The following SLITRK4 variants were observed in gnomAD, a reference collection of about 807,000 sequenced individuals.
SLITRK4 encodes SLIT and NTRK-like protein 4.
SLITRK4 carries 7 observed loss-of-function variants against 34.7 expected under a neutral mutation model. The ratio of observed to expected loss-of-function variants is 0.20; its 90% CI spans 0.11 to 0.38. The LOEUF (loss-of-function observed/expected upper bound fraction) is 0.38. Among genes scored for constraint, SLITRK4 ranks in the 10% least tolerant of loss-of-function variants. SLITRK4 has a pLI of 1.00. For missense variants in SLITRK4, 474 were observed against 607.0 expected (o/e 0.78, Z 2.30); for synonymous variants, 237 against 246.2 (o/e 0.96, Z 0.35).
chrX:143,635,481 A>AACACACACACACACACACACAC (rs782006427), intron 1 of SLITRK4, among the ~76,000 whole-genome samples: 1 of 55,240 alleles, frequency 1.8e-5, no homozygotes, highest in African/African-American at 6.7e-5. Context: ...ATAACGAAGG[A>AACACACACACACACACACACAC]ACACACACAC....
At position 143,630,614 on chromosome X, in the gene SLITRK4, A is replaced by G; in HGVS notation, c.495T>C (p.Asn165=). The change falls in exon 2 of 2, where the codon AAT becomes AAC. Residue 165 remains asparagine, a synonymous_variant. Transcript: ENST00000356928. The part of the protein sequence containing the change: ...HKLKVLILND[N]LISFLPDNIF... ...TATTATCAGGAAGGAATGAAATCAG[A>G]TTGTCATTAAGAATGAGAACTTTCA... 1 of 1,211,232 alleles carries G rather than the reference A, an allele frequency of 8.3e-7. No homozygotes were observed. Among genetic ancestry groups the G allele is most frequent in the South Asian group, 1.8e-5 (1 of 56,957 alleles).
chrX:143,623,847 C>T lies in SLITRK4; in HGVS notation c.*4748G>A, dbSNP rs1448412593. 9.0e-6 allele frequency: 1 copy of T among 111,207 alleles called. No individual in the cohort carries two copies. Among genetic ancestry groups the T allele is most frequent in the Non-Finnish European group, 1.9e-5 (1 of 52,868 alleles). The allele number at this position is 111,207 out of a possible 1,213,427, so 9.2% of individuals were successfully genotyped here. A position where few individuals can be genotyped will look rare whatever the true frequency, so the allele number is the denominator to read the frequency against. ...AATGGGATGAGCACTAGAAATGATG[C>T]CAAACCTTGATTTGATGCCACTTGT... On this transcript the variant is annotated 3_prime_UTR_variant, in exon 2 of 2. Transcript: ENST00000356928.
Position 143,629,821 on chromosome X carries a change from G to A in SLITRK4, c.1288C>T (p.Leu430=). 1 of 1,209,822 alleles carries A rather than the reference G, an allele frequency of 8.3e-7. No homozygotes were observed. Among genetic ancestry groups the A allele is most frequent in the Non-Finnish European group, 1.1e-6 (1 of 894,064 alleles). ...TCAATTTGATTGCCATTGAGATATA[G>A]CCTGCGTAAATTAGTGAGATTGTGA... ...VFHNLTNLRR[L]YLNGNQIERL... is the part of the protein sequence containing the mutation. The change falls in exon 2 of 2, where the codon CTA becomes TTA. Residue 430 remains leucine (L), a synonymous_variant. Transcript: ENST00000356928.
At position 143,625,244 on chromosome X, in the gene SLITRK4, A is replaced by AT. The variant is rs1344416181; in HGVS notation, c.*3350dup. The AT allele has an allele frequency of 9.0e-6, 1 of 111,266 alleles. No homozygotes were observed. The highest frequency in any genetic ancestry group is 1.9e-5 in the Non-Finnish European group (1 of 52,722). The allele number at this position is 111,266 out of a possible 1,213,427, so 9.2% of individuals were successfully genotyped here. ...TCTTAAATAAATTTCTAATTCATAT[A>AT]TTTTTTCAGTCTATTCAGAATGAAA... On this transcript the variant is annotated 3_prime_UTR_variant, in exon 2 of 2. Coordinates refer to ENST00000356928, the MANE Select transcript of SLITRK4 (RefSeq NM_001184749.3).
intron 1 of SLITRK4, 79 bp from the exon 2 acceptor site, chrX:143,631,237 C>T: frequency 2.0e-6 from 1 of 502,783 alleles, no homozygotes; most frequent in Non-Finnish European, 3.1e-6. Context: ...CCATAGTGAA[C>T]ACATGGCTAT....
rs1569477209 is a variant in SLITRK4, at chrX:143,626,303, T to C, written c.*2292A>G. ...TGAAATTGTAGATGAAAAAAGCTGTTGGGCACACATCTTGTCTTTTCTTTC... is the reference window on the plus strand; with the variant it reads ...TGAAATTGTAGATGAAAAAAGCTGTCGGGCACACATCTTGTCTTTTCTTTC... On this transcript the variant is annotated 3_prime_UTR_variant, in exon 2 of 2. Transcript: ENST00000356928. The C allele has an allele frequency of 9.0e-6, 1 of 111,252 alleles. No individual in the cohort carries two copies. The highest frequency in any genetic ancestry group is 1.9e-5 in the Non-Finnish European group (1 of 52,779). The allele number at this position is 111,252 out of a possible 1,213,427, so 9.2% of individuals were successfully genotyped here.
Position 143,628,685 on chromosome X carries a change from C to T in SLITRK4, c.2424G>A (p.Lys808=). 1 of 1,211,784 alleles carries T rather than the reference C, an allele frequency of 8.3e-7. No homozygotes were observed. The highest frequency in any genetic ancestry group is 1.1e-6 in the Non-Finnish European group (1 of 895,509). Residue 808 remains lysine, a synonymous_variant, in exon 2 of 2, where the codon AAG becomes AAA. Coordinates refer to ENST00000356928, the MANE Select transcript of SLITRK4 (RefSeq NM_001184749.3). The part of the protein sequence containing the change: ...NHSKIVVEQR[K]SEYFELKAKL... The stretch of plus-strand genomic sequence containing the variant: ...TCGCCTTCAGTTCAAAATACTCACT[C>T]TTCCTTTGTTCCACAACAATTTTAC...
At position 143,629,720 on chromosome X, in the gene SLITRK4, T is replaced by A; in HGVS notation, c.1389A>T (p.Glu463Asp). 3 of 1,211,354 alleles carry A rather than the reference T, an allele frequency of 2.5e-6. No individual in the cohort carries two copies. The highest frequency in any genetic ancestry group is 3.4e-6 in the Non-Finnish European group (3 of 895,226). ...TGGAGTCAAAGGTGCCTGCTGAGAT[T>A]TCCTTAATCAAATTGTATTCCAAAT... is the stretch of plus-strand genomic sequence containing the variant. ...YLYLEYNLIKEISAGTFDSMP... is the reference protein window; with the variant it reads ...YLYLEYNLIKDISAGTFDSMP... The change falls in exon 2 of 2, where the codon GAA becomes GAT. Residue 463 changes from glutamate to aspartate, a missense_variant. Around this residue, in one of 3 missense-constraint regions of SLITRK4, gnomAD observed 345 missense variants for 406.5 expected, o/e 0.85. Coordinates refer to ENST00000356928, the MANE Select transcript of SLITRK4 (RefSeq NM_001184749.3).
Position 143,625,115 on chromosome X carries a change from A to T in SLITRK4, c.*3480T>A, listed in dbSNP as rs1930743762. On this transcript the variant is annotated 3_prime_UTR_variant, in exon 2 of 2. Transcript: ENST00000356928. ...TCTAGACGTGTTCTGTTATTTCTGA[A>T]ATACCTGTTGATGTTACTCATAAGG... 1 of 111,046 alleles carries T rather than the reference A, an allele frequency of 9.0e-6. No homozygotes were observed. Among genetic ancestry groups the T allele is most frequent in the Non-Finnish European group, 1.9e-5 (1 of 52,714 alleles). 9.2% of individuals were successfully genotyped at this position (111,046 alleles called of 1,213,427 possible). A position where few individuals can be genotyped will look rare whatever the true frequency, so the allele number is the denominator to read the frequency against.
chrX:143,635,481 A>AACACACACACACACAC lies in SLITRK4; in HGVS notation c.-51+238_-51+253dup, dbSNP rs782006427. Among the ~76,000 whole-genome samples, 93 of 55,251 alleles carry AACACACACACACACAC rather than the reference A, an allele frequency of 1.7e-3. 1 individual carries two copies. The highest frequency in any genetic ancestry group is 2.3e-3 in the Non-Finnish European group (68 of 28,973). 48.0% of individuals were successfully genotyped at this position (55,251 alleles called of 115,157 possible). ...TCTTCCAGTCCCCTAATAACGAAGG[A>AACACACACACACACAC]ACACACACACACACACACACACACA... On this transcript the variant is annotated intron_variant, in intron 1 of 1. Transcript: ENST00000356928.
In SLITRK4 at chrX:143,631,012, C is replaced by A. The variant is rs781850800; in HGVS notation, c.97G>T (p.Val33Leu). ...SVEICNVCSCVSVENVLYVNC... is the reference protein window; with the variant it reads ...SVEICNVCSCLSVENVLYVNC... ...ACATAGAGCACATTCTCAACTGACACGCAGGAACACACATTGCAAATTTCC... is the reference window on the plus strand; with the variant it reads ...ACATAGAGCACATTCTCAACTGACAAGCAGGAACACACATTGCAAATTTCC... Residue 33 changes from valine (V) to leucine (L), a missense_variant, in exon 2 of 2, where the codon GTG becomes TTG. This residue lies in a region of SLITRK4 where 84 missense variants were observed against 101.3 expected (regional missense o/e 0.83). Transcript: ENST00000356928. The A allele has an allele frequency of 2.5e-6, 3 of 1,209,423 alleles. No individual in the cohort carries two copies. The highest frequency in any genetic ancestry group is 3.4e-6 in the Non-Finnish European group (3 of 894,843).
At chrX:143,635,481 A>AACACAC (rs782006427) in intron 1 of SLITRK4, among the ~76,000 whole-genome samples, 5,376 of 55,165 alleles carry the variant, frequency 0.097, 452 homozygotes, top group South Asian at 0.15. Context: ...ATAACGAAGG[A>AACACAC]ACACACACAC....
Position 143,630,608 on chromosome X carries a change from A to G in SLITRK4, c.501T>C (p.Ile167=). Residue 167 remains isoleucine, a synonymous_variant, in exon 2 of 2, where the codon ATT becomes ATC. Transcript: ENST00000356928. Reference sequence around the variant, plus strand: ...GGAAAATATTATCAGGAAGGAATGAAATCAGATTGTCATTAAGAATGAGAA... The same window carrying G: ...GGAAAATATTATCAGGAAGGAATGAGATCAGATTGTCATTAAGAATGAGAA... The part of the protein sequence containing the change: ...LKVLILNDNL[I]SFLPDNIFRF... 1 of 1,211,496 alleles carries G rather than the reference A, an allele frequency of 8.3e-7. No homozygotes were observed. The highest frequency in any genetic ancestry group is 1.1e-6 in the Non-Finnish European group (1 of 895,249).
Position 143,625,037 on chromosome X carries a change from C to T in SLITRK4, c.*3558G>A, listed in dbSNP as rs1269598405. On this transcript the variant is annotated 3_prime_UTR_variant, in exon 2 of 2. Coordinates refer to ENST00000356928, the MANE Select transcript of SLITRK4 (RefSeq NM_001184749.3). ...TCAGTGTGCTCATTTCATACAATGT[C>T]AATGTACAAATCATGCAAAAAATGT... 1 of 111,135 alleles carries T rather than the reference C, an allele frequency of 9.0e-6. No individual in the cohort carries two copies. Among genetic ancestry groups the T allele is most frequent in the Admixed American group, 9.6e-5 (1 of 10,451 alleles). 9.2% of individuals were successfully genotyped at this position (111,135 alleles called of 1,213,427 possible). A position where few individuals can be genotyped will look rare whatever the true frequency, so the allele number is the denominator to read the frequency against.
At position 143,628,466 on chromosome X, in the gene SLITRK4, T is replaced by A; in HGVS notation, c.*129A>T. ...ACTTGACACATCTTTGCAGCTACAG[T>A]TAATGAGACACCCTTGGAAACACCT... is the stretch of plus-strand genomic sequence containing the variant. On this transcript the variant is annotated 3_prime_UTR_variant, in exon 2 of 2. Coordinates refer to ENST00000356928, the MANE Select transcript of SLITRK4 (RefSeq NM_001184749.3). 6.1e-6 allele frequency: 3 copies of A among 491,456 alleles called. No homozygotes were observed. The highest frequency in any genetic ancestry group is 3.3e-6 in the Non-Finnish European group (1 of 300,328). The allele number at this position is 491,456 out of a possible 1,213,427, so 40.5% of individuals were successfully genotyped here. A position where few individuals can be genotyped will look rare whatever the true frequency, so the allele number is the denominator to read the frequency against.
rs782321994 is a variant in SLITRK4, at chrX:143,629,937, T to G, written c.1172A>C (p.Asp391Ala). 1 of 1,211,945 alleles carries G rather than the reference T, an allele frequency of 8.3e-7. No individual in the cohort carries two copies. The highest frequency in any genetic ancestry group is 1.1e-6 in the Non-Finnish European group (1 of 895,545). The part of the protein sequence containing the change: ...KLHVNGNSIK[D>A]VDVSDFTDFE... ...GTCAGTGAAGTCTGATACGTCCACA[T>G]CCTTGATGCTATTGCCATTGACGTG... The change falls in exon 2 of 2, where the codon GAT (aspartate) becomes GCT (alanine). Residue 391 changes from aspartate to alanine, a missense_variant. Asp to Ala is a moderately radical substitution (Grantham distance 126, BLOSUM62 -2). This residue lies in a region of SLITRK4 where 345 missense variants were observed against 406.5 expected (regional missense o/e 0.85). Coordinates refer to ENST00000356928, the MANE Select transcript of SLITRK4 (RefSeq NM_001184749.3).
At position 143,626,519 on chromosome X, in the gene SLITRK4, TAC is replaced by T. The variant is rs1569477243; in HGVS notation, c.*2074_*2075del. On this transcript the variant is annotated 3_prime_UTR_variant, in exon 2 of 2. Transcript: ENST00000356928. The stretch of plus-strand genomic sequence containing the variant: ...GAATATATACCCACATATATATATA[TAC>T]ACACACTCAGACACACACACACATA... 9.4e-6 allele frequency: 1 copy of T among 106,579 alleles called. No homozygotes were observed. The highest frequency in any genetic ancestry group is 3.0e-4 in the East Asian group (1 of 3,365). 8.8% of individuals were successfully genotyped at this position (106,579 alleles called of 1,213,427 possible).
rs1930697341 is a variant in SLITRK4, at chrX:143,623,655, G to A, written c.*4940C>T. On this transcript the variant is annotated 3_prime_UTR_variant, in exon 2 of 2. Transcript: ENST00000356928. The stretch of plus-strand genomic sequence containing the variant: ...CAAAGTAAGTTATTAAAATTCATTT[G>A]AGTTCCCATTAGCTTTTAAATTAAC... 9.0e-6 allele frequency: 1 copy of A among 111,621 alleles called. No individual in the cohort carries two copies. The highest frequency in any genetic ancestry group is 9.6e-5 in the Admixed American group (1 of 10,464). 9.2% of individuals were successfully genotyped at this position (111,621 alleles called of 1,213,427 possible).
chrX:143,631,453 C>T (rs781905171), intron 1 of SLITRK4, among the ~76,000 whole-genome samples: 28 of 109,837 alleles, frequency 2.5e-4, no homozygotes, highest in East Asian at 8.6e-4. Flanking sequence ...ATTTTTTCCA[C>T]GTGGACCGTC....
Sources: allele counts gnomAD v4.1 joint callset (sites outside exome capture counted in the v4.1 genomes callset), GRCh38; gene constraint gnomAD v4.1.1; regional missense constraint gnomAD v4.1.1; transcripts MANE v1.5; gene names NCBI Gene and HGNC (gene_info 2026-07-23, HGNC 2026-07-21).